PARD3: variants seen among roughly 807,000 people sequenced by gnomAD.
PARD3 encodes the protein par-3 family cell polarity regulator, also known as partitioning defective 3 homolog.
In PARD3, 75 loss-of-function variants were observed where a neutral mutation model predicts 155.4. That is an observed-to-expected ratio of 0.48 (90% CI 0.40 to 0.58). The LOEUF (loss-of-function observed/expected upper bound fraction) is 0.58. Ranked by LOEUF, PARD3 falls within the 20% of genes least tolerant of loss-of-function variation. The pLI, the probability that PARD3 is intolerant of heterozygous loss-of-function variation, is 0.00. For missense variants in PARD3, 1,642 were observed against 1,721.7 expected (o/e 0.95, Z 0.82); for synonymous variants, 576 against 610.5 (o/e 0.94, Z 0.83).
intron 22 of PARD3, among the ~76,000 whole-genome samples, chr10:34,167,337 G>A (rs778635944): frequency 1.7e-4 from 26 of 152,160 alleles, no homozygotes; most frequent in Non-Finnish European, 3.5e-4. Flanking sequence ...GCATTTTGGT[G>A]TGTGATGGGT....
intron 2 of PARD3, among the ~76,000 whole-genome samples, chr10:34,587,962 T>C (rs1300154129): frequency 6.6e-6 from 1 of 152,172 alleles, no homozygotes; most frequent in Non-Finnish European, 1.5e-5. Context: ...TTCAAAATTC[T>C]GAATCACTTT....
chr10:34,547,681 T>G (rs1421788867), intron 2 of PARD3, among the ~76,000 whole-genome samples: 1 of 152,214 alleles, frequency 6.6e-6, no homozygotes, highest in Non-Finnish European at 1.5e-5. Context: ...TCCCATGCCA[T>G]GACCTGACAT....
intron 21 of PARD3, among the ~76,000 whole-genome samples, chr10:34,274,278 G>T (rs2570338): frequency 6.6e-6 from 1 of 151,882 alleles, no homozygotes; most frequent in East Asian, 1.9e-4. Flanking sequence ...AAATTTTTAC[G>T]CCATTTATCC....
At chr10:34,164,200 C>A (rs570518663) in intron 22 of PARD3, among the ~76,000 whole-genome samples, 6 of 152,260 alleles carry the variant, frequency 3.9e-5, no homozygotes, top group East Asian at 1.9e-4. Flanking sequence ...ATAAAAAAAA[C>A]CTGCTTCTGT....
intron 2 of PARD3, among the ~76,000 whole-genome samples, chr10:34,574,335 A>G (rs2086717434): frequency 6.6e-6 from 1 of 152,188 alleles, no homozygotes; most frequent in Non-Finnish European, 1.5e-5. Flanking sequence ...ACTGACAGAC[A>G]TATCTAGTCT....
chr10:34,125,409 C>T (rs1042348501), intron 23 of PARD3, among the ~76,000 whole-genome samples: 1 of 152,122 alleles, frequency 6.6e-6, no homozygotes, highest in Non-Finnish European at 1.5e-5. Context: ...CCAACTAGAG[C>T]TAGGGTCATA....
intron 1 of PARD3, among the ~76,000 whole-genome samples, chr10:34,713,976 C>T (rs1045752046): frequency 6.6e-6 from 1 of 152,084 alleles, no homozygotes; most frequent in African/African-American, 2.4e-5. Flanking sequence ...AACAACCAAC[C>T]TGGAAGAACT....
chr10:34,739,986 A>G (rs1353078546), intron 1 of PARD3, among the ~76,000 whole-genome samples: 1 of 152,176 alleles, frequency 6.6e-6, no homozygotes, highest in Non-Finnish European at 1.5e-5. Flanking sequence ...ACCCTCCTAC[A>G]CACTGACCCG....
intron 2 of PARD3, among the ~76,000 whole-genome samples, chr10:34,664,410 T>A (rs986112549): frequency 2.7e-5 from 4 of 149,166 alleles, no homozygotes; most frequent in Non-Finnish European, 4.5e-5. Flanking sequence ...ACCATGTTGG[T>A]CAGGCTGGTC....
At chr10:34,320,251 A>T (rs1440627493) in intron 19 of PARD3, among the ~76,000 whole-genome samples, 1 of 152,208 alleles carries the variant, frequency 6.6e-6, no homozygotes, top group Non-Finnish European at 1.5e-5. Flanking sequence ...GCCTGACAAG[A>T]CTAGCCACAA....
intron 17 of PARD3, among the ~76,000 whole-genome samples, chr10:34,336,750 AC>A (rs1172227019): frequency 1.3e-5 from 2 of 152,054 alleles, no homozygotes; most frequent in Non-Finnish European, 2.9e-5. Flanking sequence ...TATAATAAAT[AC>A]TCTCAAATTA....
chr10:34,355,731 A>G (rs1838729125), intron 14 of PARD3, among the ~76,000 whole-genome samples: 1 of 152,048 alleles, frequency 6.6e-6, no homozygotes, highest in Admixed American at 6.5e-5. Flanking sequence ...GTTTGAGACC[A>G]GCCTGACCAA....
At chr10:34,797,747 C>T (rs766090670) in intron 1 of PARD3, among the ~76,000 whole-genome samples, 1 of 152,082 alleles carries the variant, frequency 6.6e-6, no homozygotes, top group African/African-American at 2.4e-5. Context: ...CCTTTCCTTC[C>T]CCCATCTCAT....
intron 22 of PARD3, among the ~76,000 whole-genome samples, chr10:34,161,812 G>A (rs1266582917): frequency 6.6e-6 from 1 of 152,100 alleles, no homozygotes; most frequent in Non-Finnish European, 1.5e-5. Context: ...CTCACAGGCT[G>A]AGAAGCTGAT....
intron 5 of PARD3, among the ~76,000 whole-genome samples, chr10:34,449,842 GA>G (rs1419757936): frequency 6.6e-6 from 1 of 152,146 alleles, no homozygotes; most frequent in African/African-American, 2.4e-5. Flanking sequence ...TTTATGAAGG[GA>G]TAAGTGCCCA....
chr10:34,613,746 C>T (rs746321971), intron 2 of PARD3, among the ~76,000 whole-genome samples: 1 of 152,166 alleles, frequency 6.6e-6, no homozygotes, highest in East Asian at 1.9e-4. Context: ...ATAGTTTTCT[C>T]GTCCACATTC....
intron 15 of PARD3, chr10:34,345,139 A>C: frequency 1.0e-6 from 1 of 985,354 alleles, no homozygotes; most frequent in Non-Finnish European, 1.2e-6. Flanking sequence ...TAGAAAAAGG[A>C]AATAGCCAAA....
intron 10 of PARD3, among the ~76,000 whole-genome samples, chr10:34,377,057 C>CA (rs1021333036): frequency 6.6e-6 from 1 of 152,088 alleles, no homozygotes; most frequent in Non-Finnish European, 1.5e-5. Flanking sequence ...AAAAAAAATT[C>CA]AAAAACGATT....
chr10:34,733,015 C>T (rs1057385611), intron 1 of PARD3, among the ~76,000 whole-genome samples: 1 of 152,158 alleles, frequency 6.6e-6, no homozygotes, highest in African/African-American at 2.4e-5. Context: ...CTCCCACCCT[C>T]TCTTTGAACT....
Sources: gnomAD v4.1 joint callset for allele counts (sites outside exome capture counted in the v4.1 genomes callset) on GRCh38, gnomAD v4.1.1 for gene constraint, MANE v1.5 for transcripts, NCBI Gene and HGNC (gene_info 2026-07-23, HGNC 2026-07-21) for gene names.